ATP13A4: variants seen among roughly 807,000 people sequenced by gnomAD.
ATP13A4 encodes the protein probable cation-transporting ATPase 13A4.
In ATP13A4, 114 loss-of-function variants were observed where a neutral mutation model predicts 142.5. The ratio of observed to expected loss-of-function variants is 0.80; its 90% CI spans 0.69 to 0.93. ATP13A4 has a LOEUF of 0.93. Ranked by LOEUF, ATP13A4 falls within the 40% of genes least tolerant of loss-of-function variation. The pLI, the probability that ATP13A4 is intolerant of heterozygous loss-of-function variation, is 0.00. For missense variants in ATP13A4, 1,392 were observed against 1,454.0 expected (o/e 0.96, Z 0.69); for synonymous variants, 488 against 514.8 (o/e 0.95, Z 0.70).
chr3:193,420,075 A>G (rs1393757909), intron 25 of ATP13A4, among the ~76,000 whole-genome samples: 1 of 150,028 alleles, frequency 6.7e-6, no homozygotes, highest in African/African-American at 2.5e-5. Flanking sequence ...AAACCTCCAG[A>G]GCAGTCCTTC....
At chr3:193,419,834 C>A (rs1320394344) in intron 25 of ATP13A4, among the ~76,000 whole-genome samples, 1 of 150,068 alleles carries the variant, frequency 6.7e-6, no homozygotes, top group Non-Finnish European at 1.5e-5. Context: ...CTGTGCTGCT[C>A]CCTGTCCCCC....
intron 8 of ATP13A4, among the ~76,000 whole-genome samples, chr3:193,479,334 G>A (rs1003774581): frequency 1.3e-5 from 2 of 152,092 alleles, no homozygotes; most frequent in Admixed American, 6.6e-5. Context: ...AACTGTTGCT[G>A]TTCATCGATG....
rs1327028221 is a variant in ATP13A4 at position 193,399,090 on chromosome 3, G to T, written c.*3562C>A. 1.3e-5 allele frequency among the ~76,000 whole-genome samples: 2 copies of T among 152,094 alleles called. No individual in the cohort carries two copies. Among genetic ancestry groups the T allele is most frequent in the African/African-American group, 4.8e-5 (2 of 41,416 alleles). On this transcript the variant is annotated 3_prime_UTR_variant, in exon 30 of 30. Coordinates refer to ENST00000342695, the MANE Select transcript of ATP13A4 (RefSeq NM_032279.4). ...GTGAACATTTCCATAAGCACATAAG[G>T]ATACAGATGTCACAGACATATTTAG...
chr3:193,464,927 G>A lies in ATP13A4; in HGVS notation c.1461+13C>T, dbSNP rs748997206. The A allele has an allele frequency of 6.2e-7, 1 of 1,611,616 alleles. No individual in the cohort carries two copies. Among genetic ancestry groups the A allele is most frequent in the South Asian group, 1.1e-5 (1 of 91,006 alleles). ...TAAAAATGATGATAAGAATAAGGAT[G>A]AAACACACATACCTTGTCAAAGCAG... On this transcript the variant is annotated intron_variant, in intron 12 of 29. Coordinates refer to ENST00000342695, the MANE Select transcript of ATP13A4 (RefSeq NM_032279.4).
intron 2 of ATP13A4, among the ~76,000 whole-genome samples, chr3:193,508,861 A>C (rs1437646526): frequency 6.6e-6 from 1 of 152,216 alleles, no homozygotes; most frequent in African/African-American, 2.4e-5. Flanking sequence ...TATAGATTCA[A>C]CTTAATTCAA....
chr3:193,537,638 G>A (rs1404184002), intron 1 of ATP13A4, among the ~76,000 whole-genome samples: 1 of 152,130 alleles, frequency 6.6e-6, no homozygotes, highest in South Asian at 2.1e-4. Context: ...AGAGCCTGCT[G>A]AGAAGAGGAA....
chr3:193,496,002 T>C (rs1020487666), intron 3 of ATP13A4, among the ~76,000 whole-genome samples: 1 of 152,138 alleles, frequency 6.6e-6, no homozygotes, highest in Non-Finnish European at 1.5e-5. Context: ...TACATAGGAA[T>C]AAATTTAACC....
chr3:193,427,483 C>T lies in ATP13A4; in HGVS notation c.2842+6362G>A, dbSNP rs543209775. ...GTTCATATGTAACCAAAAAAGAGCC[C>T]ACATTGCCAAGACAATCTTAAGCCA... On this transcript the variant is annotated intron_variant, in intron 25 of 29. Transcript: ENST00000342695. Among the ~76,000 whole-genome samples the T allele has an allele frequency of 2.6e-5, 4 of 152,224 alleles. 1 individual carries two copies. The South Asian group carries it at 8.3e-4, about 32-fold the overall frequency.
At chr3:193,432,961 G>T (rs7643458) in intron 25 of ATP13A4, among the ~76,000 whole-genome samples, 111,336 of 152,060 alleles carry the variant, frequency 0.73, 41,040 homozygotes, top group Admixed American at 0.77. Flanking sequence ...TAATGTAAAC[G>T]ATGGACTTTG....
intron 2 of ATP13A4, 37 bp from the exon 3 acceptor site, chr3:193,502,676 G>A: frequency 6.3e-7 from 1 of 1,595,510 alleles, no homozygotes; most frequent in Non-Finnish European, 8.6e-7. Flanking sequence ...AAGAAGTTAA[G>A]AGAGGTCAGC....
At position 193,399,906 on chromosome 3, in the gene ATP13A4, T is replaced by C. The variant is rs551548994; in HGVS notation, c.*2746A>G. ...GCATAAGACTGAGACACTGGGTGTA[T>C]CAAGCTTGAAAGAGATCTTGCAGGT... is the stretch of plus-strand genomic sequence containing the variant. On this transcript the variant is annotated 3_prime_UTR_variant, in exon 30 of 30. Transcript: ENST00000342695. Among the ~76,000 whole-genome samples, 5 of 146,662 alleles carry C rather than the reference T, an allele frequency of 3.4e-5. No homozygotes were observed. Among genetic ancestry groups the C allele is most frequent in the African/African-American group, 1.0e-4 (4 of 39,952 alleles).
Position 193,442,499 on chromosome 3 carries a change from C to G in ATP13A4, c.2210G>C (p.Ser737Thr), listed in dbSNP as rs1401671405. The part of the protein sequence containing the change: ...VARKSGMVSE[S>T]QKVILIEANE... ...TGCCTCAATGAGAATGACTTTCTGG[C>G]TTTCAGAAACCATTCCAGATTTTCT... Residue 737 changes from serine (S) to threonine (T), a missense_variant, in exon 19 of 30, where the codon AGC (serine) becomes ACC (threonine). By Grantham distance (58) the Ser-to-Thr change is moderately conservative (BLOSUM62 1). Coordinates refer to ENST00000342695, the MANE Select transcript of ATP13A4 (RefSeq NM_032279.4). The G allele has an allele frequency of 1.2e-6, 2 of 1,613,932 alleles. No individual in the cohort carries two copies. Among genetic ancestry groups the G allele is most frequent in the Middle Eastern group, 1.6e-4 (1 of 6,084 alleles).
At position 193,470,892 on chromosome 3, in the gene ATP13A4, C is replaced by T; in HGVS notation, c.910G>A (p.Gly304Ser). The change falls in exon 9 of 30, where the codon GGC (glycine) becomes AGC (serine). Residue 304 changes from glycine (G) to serine (S), a missense_variant. Transcript: ENST00000342695. ...ATGCCTTCATCCACCACACAGCTGC[C>T]TTCAATCAGAACGGCATCACATGGC... ...LMPCDAVLIEGSCVVDEGMLT... is the reference protein window; with the variant it reads ...LMPCDAVLIESSCVVDEGMLT... The T allele has an allele frequency of 6.2e-7, 1 of 1,614,120 alleles. No homozygotes were observed. The highest frequency in any genetic ancestry group is 8.5e-7 in the Non-Finnish European group (1 of 1,180,030).
chr3:193,484,420 G>C (rs1452291745), intron 7 of ATP13A4, among the ~76,000 whole-genome samples: 1 of 151,928 alleles, frequency 6.6e-6, no homozygotes, highest in Non-Finnish European at 1.5e-5. Context: ...AAATATGTGG[G>C]ATATTGAGAG....
chr3:193,562,121 T>TC (rs896652368), intron 2 of ATP13A4, among the ~76,000 whole-genome samples: 1 of 152,076 alleles, frequency 6.6e-6, no homozygotes, highest in Non-Finnish European at 1.5e-5. Flanking sequence ...GTGGTGTGTG[T>TC]CAGTCACCCT....
rs1409247837 is a variant in ATP13A4, at chr3:193,399,255, G to T, written c.*3397C>A. On this transcript the variant is annotated 3_prime_UTR_variant, in exon 30 of 30. Transcript: ENST00000342695. ...CAGACTCTGCTCAAGAAAGTGTATTGATAACAGGTTGCTCCGCCCTCAAGT... is the reference window on the plus strand; with the variant it reads ...CAGACTCTGCTCAAGAAAGTGTATTTATAACAGGTTGCTCCGCCCTCAAGT... 6.6e-6 allele frequency among the ~76,000 whole-genome samples: 1 copy of T among 152,124 alleles called. No individual in the cohort carries two copies. The highest frequency in any genetic ancestry group is 1.5e-5 in the Non-Finnish European group (1 of 68,024).
upstream of ATP13A4, among the ~76,000 whole-genome samples, chr3:193,559,352 T>G (rs1723967073): frequency 6.6e-6 from 1 of 152,172 alleles, no homozygotes; most frequent in African/African-American, 2.4e-5. Flanking sequence ...TCACTGGCAA[T>G]AAGCTGACTC....
chr3:193,408,112 A>G (rs1347560164), intron 28 of ATP13A4, among the ~76,000 whole-genome samples: 4 of 152,248 alleles, frequency 2.6e-5, no homozygotes, highest in Admixed American at 1.3e-4. Flanking sequence ...TTAATGAATG[A>G]AAAAGTGCCA....
At chr3:193,543,987 C>G (rs935914076) in intron 1 of ATP13A4, among the ~76,000 whole-genome samples, 4 of 152,178 alleles carry the variant, frequency 2.6e-5, no homozygotes, top group African/African-American at 9.6e-5. Flanking sequence ...ACTCTTCTTC[C>G]CAAGCATCAG....
Sources: allele counts gnomAD v4.1 joint callset (sites outside exome capture counted in the v4.1 genomes callset), GRCh38; gene constraint gnomAD v4.1.1; transcripts MANE v1.5; gene names NCBI Gene and HGNC (gene_info 2026-07-23, HGNC 2026-07-21).